ADARB2: variants seen among roughly 807,000 people sequenced by gnomAD.
ADARB2 encodes adenosine deaminase RNA specific B2 (inactive).
ADARB2 carries 25 observed loss-of-function variants against 62.2 expected under a neutral mutation model. The ratio of observed to expected loss-of-function variants is 0.40; its 90% confidence interval spans 0.29 to 0.56. ADARB2 has a LOEUF of 0.56. Among genes scored for constraint, ADARB2 ranks in the 20% least tolerant of loss-of-function variants. The pLI is 0.43. For missense variants in ADARB2, 1,071 were observed against 1,077.4 expected (o/e 0.99, Z 0.08); for synonymous variants, 572 against 500.8 (o/e 1.14, Z -1.90).
At chr10:1,282,992 C>T (rs566673262) in intron 3 of ADARB2, among the ~76,000 whole-genome samples, 29 of 152,290 alleles carry the variant, frequency 1.9e-4, no homozygotes, top group Admixed American at 1.4e-3. Flanking sequence ...TACAGAGGCT[C>T]CTAGGGTGCT....
chr10:1,558,231 C>G (rs981389828), intron 1 of ADARB2, among the ~76,000 whole-genome samples: 10 of 151,218 alleles, frequency 6.6e-5, no homozygotes, highest in Non-Finnish European at 1.2e-4. Context: ...CTCTGCCCCC[C>G]TCCATGGGTG....
At chr10:1,332,313 G>A (rs1171270133) in intron 3 of ADARB2, among the ~76,000 whole-genome samples, 1 of 151,992 alleles carries the variant, frequency 6.6e-6, no homozygotes, top group Non-Finnish European at 1.5e-5. Flanking sequence ...CTGAAGTAGG[G>A]ACAGAAGTGG....
intron 6 of ADARB2, among the ~76,000 whole-genome samples, chr10:1,227,047 C>T (rs1332597992): frequency 1.3e-5 from 2 of 152,242 alleles, no homozygotes; most frequent in South Asian, 2.1e-4. Context: ...TGGTGGGCTC[C>T]ACCCAGTTTG....
chr10:1,438,128 C>T (rs886710105), intron 1 of ADARB2, among the ~76,000 whole-genome samples: 2 of 152,226 alleles, frequency 1.3e-5, no homozygotes, highest in African/African-American at 4.8e-5. Context: ...ACGCACCTTC[C>T]TTCCCCTCAG....
In ADARB2 at chr10:1,718,426, C is replaced by T. The variant is rs140202461; in HGVS notation, c.100+18625G>A. ...CTGTGGCCCCACTGCCCTGGGAACA[C>T]GGTGGGGAATGAACATGCTAGCCCC... On this transcript the variant is annotated intron_variant, in intron 1 of 9. Coordinates refer to ENST00000381312, the MANE Select transcript of ADARB2 (RefSeq NM_018702.4). 4.6e-3 allele frequency among the ~76,000 whole-genome samples: 702 copies of T among 152,278 alleles called. 7 individuals carry two copies. The highest frequency in any genetic ancestry group is 0.016 in the African/African-American group (654 of 41,550).
chr10:1,232,432 GTGTT>G (rs1035674803), intron 6 of ADARB2, among the ~76,000 whole-genome samples: 14 of 151,086 alleles, frequency 9.3e-5, no homozygotes, highest in African/African-American at 2.2e-4. Flanking sequence ...TATGTGGTGT[GTGTT>G]TGCAGTGTAT....
At chr10:1,516,551 G>A (rs1279296040) in intron 1 of ADARB2, among the ~76,000 whole-genome samples, 1 of 151,664 alleles carries the variant, frequency 6.6e-6, no homozygotes, top group Non-Finnish European at 1.5e-5. Flanking sequence ...CTCTGTGCGG[G>A]CTGCTGTGTG....
At chr10:1,490,840 T>G (rs1038234133) in intron 1 of ADARB2, among the ~76,000 whole-genome samples, 1 of 152,176 alleles carries the variant, frequency 6.6e-6, no homozygotes, top group African/African-American at 2.4e-5. Context: ...TGAACTTGGT[T>G]CTCTGTTTCC....
At chr10:1,427,209 AAG>A (rs767720489) in intron 1 of ADARB2, among the ~76,000 whole-genome samples, 1 of 152,234 alleles carries the variant, frequency 6.6e-6, no homozygotes, top group Admixed American at 6.5e-5. Flanking sequence ...CAATTCATAA[AAG>A]AGAAAATGCA....
At chr10:1,643,966 T>A (rs529202781) in intron 1 of ADARB2, among the ~76,000 whole-genome samples, 1 of 152,138 alleles carries the variant, frequency 6.6e-6, no homozygotes, top group Non-Finnish European at 1.5e-5. Flanking sequence ...GGCTTCCTCA[T>A]GGAGAGCTTC....
chr10:1,571,589 T>A (rs775941666), intron 1 of ADARB2, among the ~76,000 whole-genome samples: 1 of 152,202 alleles, frequency 6.6e-6, no homozygotes, highest in South Asian at 2.1e-4. Flanking sequence ...CCCTCTTTCA[T>A]CTCCCCTTTC....
At chr10:1,411,640 G>C (rs1029894941) in intron 1 of ADARB2, among the ~76,000 whole-genome samples, 15 of 152,304 alleles carry the variant, frequency 9.8e-5, no homozygotes, top group Non-Finnish European at 1.5e-4. Flanking sequence ...TCCGTGCTGA[G>C]TGGACACGTT....
chr10:1,401,653 ATTTCTACCG>A (rs1832664147), intron 1 of ADARB2, among the ~76,000 whole-genome samples: 1 of 152,130 alleles, frequency 6.6e-6, no homozygotes, highest in African/African-American at 2.4e-5. Flanking sequence ...CCGTGTCCCC[ATTTCTACCG>A]AAGAGCGGCG....
intron 1 of ADARB2, among the ~76,000 whole-genome samples, chr10:1,566,853 T>G (rs571555985): frequency 6.6e-6 from 1 of 152,354 alleles, no homozygotes; most frequent in African/African-American, 2.4e-5. Context: ...TCTTTAAAAT[T>G]CTAACATCTG....
intron 1 of ADARB2, among the ~76,000 whole-genome samples, chr10:1,566,844 C>G (rs1000340653): frequency 6.6e-6 from 1 of 152,140 alleles, no homozygotes; most frequent in African/African-American, 2.4e-5. Context: ...TAACTACATT[C>G]TTTAAAATTC....
At chr10:1,297,761 A>G (rs1831536014) in intron 3 of ADARB2, among the ~76,000 whole-genome samples, 1 of 152,164 alleles carries the variant, frequency 6.6e-6, no homozygotes, top group African/African-American at 2.4e-5. Flanking sequence ...GTAAGCCCTG[A>G]AACTCCCCCA....
At chr10:1,438,027 C>T (rs1393555755) in intron 1 of ADARB2, among the ~76,000 whole-genome samples, 1 of 152,234 alleles carries the variant, frequency 6.6e-6, no homozygotes, top group Non-Finnish European at 1.5e-5. Context: ...CCTGCCACCT[C>T]TCACTCCCTC....
In ADARB2 at chr10:1,504,223, C is replaced by T. The variant is rs1301969740; in HGVS notation, c.101-125063G>A. On this transcript the variant is annotated intron_variant, in intron 1 of 9. Transcript: ENST00000381312. ...TTAAATCCCTCAACACGGAGCCCAT[C>T]GCTTCCAGCAGCAGCTCTCACACTG... Among the ~76,000 whole-genome samples, 6 of 152,346 alleles carry T rather than the reference C, an allele frequency of 3.9e-5. No homozygotes were observed. In the East Asian group the frequency reaches 7.7e-4, roughly 20 times the overall value.
intron 7 of ADARB2, among the ~76,000 whole-genome samples, chr10:1,215,114 C>T (rs1231494140): frequency 5.3e-5 from 8 of 152,162 alleles, no homozygotes; most frequent in Admixed American, 3.3e-4. Context: ...GGCCCTGTGT[C>T]CCCTGATGTC....
Sources: allele counts gnomAD v4.1 joint callset (sites outside exome capture counted in the v4.1 genomes callset), GRCh38; gene constraint gnomAD v4.1.1; transcripts MANE v1.5; gene names NCBI Gene and HGNC (gene_info 2026-07-23, HGNC 2026-07-21).